The following TBC1D12 variants were observed in gnomAD, a reference collection of about 807,000 sequenced individuals.
TBC1D12 encodes the protein TBC1 domain family member 12, also known as TBC1 domain family, member 12.
Under a neutral mutation model 86.7 loss-of-function variants are expected in TBC1D12, and 56 were observed. That is an observed-to-expected ratio of 0.65 (90% CI 0.52 to 0.81). The LOEUF (loss-of-function observed/expected upper bound fraction) is 0.81. TBC1D12 is among the 30% of genes least tolerant of loss of function. The pLI, the probability that TBC1D12 is intolerant of heterozygous loss-of-function variation, is 0.00. For synonymous variants in TBC1D12, 421 were observed against 411.7 expected (o/e 1.02, Z -0.27); for missense variants, 1,023 against 1,038.8 (o/e 0.98, Z 0.21).
intron 2 of TBC1D12, among the ~76,000 whole-genome samples, chr10:94,451,622 G>A (rs181098405): frequency 5.7e-4 from 87 of 152,214 alleles, no homozygotes; most frequent in African/African-American, 2.0e-3. Flanking sequence ...AAGTAAAGCT[G>A]TTTCATATGT....
At chr10:94,520,365 C>T (rs1281137221) in intron 9 of TBC1D12, among the ~76,000 whole-genome samples, 1 of 151,960 alleles carries the variant, frequency 6.6e-6, no homozygotes, top group Non-Finnish European at 1.5e-5. Flanking sequence ...CCAGCCTGAC[C>T]AACATGGAGA....
At position 94,536,110 on chromosome 10, in the gene TBC1D12, C is replaced by T. The variant is rs1374286217; in HGVS notation, c.*3014C>T. Among the ~76,000 whole-genome samples the T allele has an allele frequency of 2.0e-5, 3 of 152,032 alleles. No individual in the cohort carries two copies. Among genetic ancestry groups the T allele is most frequent in the South Asian group, 4.1e-4 (2 of 4,822 alleles). On this transcript the variant is annotated 3_prime_UTR_variant, in exon 13 of 13. Transcript: ENST00000225235. ...GCTAAAATATTGTACTGTATCTTCT[C>T]TTGAGCCCAGTATGTAGGAAATATG... is the stretch of plus-strand genomic sequence containing the variant.
intron 11 of TBC1D12, among the ~76,000 whole-genome samples, chr10:94,526,081 T>C (rs1382813361): frequency 6.6e-6 from 1 of 152,160 alleles, no homozygotes; most frequent in Admixed American, 6.5e-5. Context: ...TCAGCCTATC[T>C]CTTCCTTCTC....
chr10:94,509,987 C>A, intron 7 of TBC1D12, 104 bp from the exon 8 acceptor site: 2 of 761,386 alleles, frequency 2.6e-6, no homozygotes, highest in Non-Finnish European at 4.3e-6. Flanking sequence ...GATTATTCAG[C>A]TTTTAACTTA....
chr10:94,520,876 G>A (rs1842131817), intron 9 of TBC1D12, among the ~76,000 whole-genome samples: 1 of 152,056 alleles, frequency 6.6e-6, no homozygotes, highest in Admixed American at 6.6e-5. Context: ...AGCCAGGCTG[G>A]TCTTGAACTC....
rs775103714 is a variant in TBC1D12, at chr10:94,531,212, C to A, written c.2011C>A (p.Leu671Ile). 6.2e-7 allele frequency: 1 copy of A among 1,613,264 alleles called. No individual in the cohort carries two copies. Among genetic ancestry groups the A allele is most frequent in the South Asian group, 1.1e-5 (1 of 90,918 alleles). Reference sequence around the variant, plus strand: ...TCCCTCTAATTTTAGGATCTTCACACTATATAGCAAATCACTACCACTTGA... The same window carrying A: ...TCCCTCTAATTTTAGGATCTTCACAATATATAGCAAATCACTACCACTTGA... ...DIYLIDWIFT[L>I]YSKSLPLDLA... The change falls in exon 12 of 13, where the codon CTA (leucine) becomes ATA (isoleucine). Residue 671 changes from leucine (L) to isoleucine (I), a missense_variant. By Grantham distance (5) the Leu-to-Ile change is conservative. Transcript: ENST00000225235.
chr10:94,453,214 A>G (rs2055578385), intron 2 of TBC1D12, among the ~76,000 whole-genome samples: 1 of 152,108 alleles, frequency 6.6e-6, no homozygotes, highest in Non-Finnish European at 1.5e-5. Context: ...CCTTCTTTCT[A>G]TGGCTTGTCT....
chr10:94,470,927 A>G (rs1443692966), intron 2 of TBC1D12, among the ~76,000 whole-genome samples: 1 of 152,040 alleles, frequency 6.6e-6, no homozygotes, highest in African/African-American at 2.4e-5. Context: ...GTATGTGGAA[A>G]GTGCTAGAAT....
Position 94,535,754 on chromosome 10 carries a change from A to G in TBC1D12, c.*2658A>G, listed in dbSNP as rs1292491040. On this transcript the variant is annotated 3_prime_UTR_variant, in exon 13 of 13. Transcript: ENST00000225235. Reference sequence around the variant, plus strand: ...CCTGACTAAATTTAATCATACTTTCATGTATTTGTTTCCTCAGTTGGACCT... The same window carrying G: ...CCTGACTAAATTTAATCATACTTTCGTGTATTTGTTTCCTCAGTTGGACCT... 1.3e-5 allele frequency: 2 copies of G among 152,052 alleles called. No individual in the cohort carries two copies. The highest frequency in any genetic ancestry group is 4.8e-5 in the African/African-American group (2 of 41,420). 9.4% of individuals were successfully genotyped at this position (152,052 alleles called of 1,614,324 possible). A position where few individuals can be genotyped will look rare whatever the true frequency, so the allele number is the denominator to read the frequency against.
chr10:94,530,097 C>T (rs1362548217), intron 11 of TBC1D12, among the ~76,000 whole-genome samples: 2 of 151,948 alleles, frequency 1.3e-5, no homozygotes, highest in African/African-American at 2.4e-5. Flanking sequence ...ATTATTTTGG[C>T]GAGGAAGCTT....
chr10:94,473,157 A>G (rs1043919284), intron 2 of TBC1D12, among the ~76,000 whole-genome samples: 2 of 151,964 alleles, frequency 1.3e-5, no homozygotes, highest in Non-Finnish European at 2.9e-5. Context: ...GTTTGAAACC[A>G]GCCTGACCAA....
At chr10:94,440,914 G>A (rs1159882608) in intron 1 of TBC1D12, among the ~76,000 whole-genome samples, 1 of 152,138 alleles carries the variant, frequency 6.6e-6, no homozygotes, top group Non-Finnish European at 1.5e-5. Context: ...CAATGAGGCG[G>A]TCTCGGCTCA....
intron 3 of TBC1D12, among the ~76,000 whole-genome samples, chr10:94,489,421 T>G (rs2056216356): frequency 6.6e-6 from 1 of 152,156 alleles, no homozygotes; most frequent in Admixed American, 6.5e-5. Flanking sequence ...AAGACTGTCT[T>G]TCCTACCCTC....
intron 5 of TBC1D12, among the ~76,000 whole-genome samples, chr10:94,498,741 CCA>C: frequency 6.6e-6 from 1 of 151,586 alleles, no homozygotes; most frequent in South Asian, 2.1e-4. Context: ...TAGGTGTGAG[CCA>C]CTGCACCCTA....
At chr10:94,465,961 C>CGT in intron 2 of TBC1D12, among the ~76,000 whole-genome samples, 1 of 150,762 alleles carries the variant, frequency 6.6e-6, no homozygotes, top group African/African-American at 2.4e-5. Context: ...TATGTATATA[C>CGT]ATGTATGTGT....
intron 2 of TBC1D12, among the ~76,000 whole-genome samples, chr10:94,471,881 A>G (rs1356057353): frequency 1.3e-5 from 2 of 152,348 alleles, no homozygotes; most frequent in East Asian, 3.9e-4. Context: ...AACTTTGGCC[A>G]CAATATTGGA....
intron 1 of TBC1D12, among the ~76,000 whole-genome samples, chr10:94,439,544 G>A (rs1052165659): frequency 2.6e-5 from 4 of 152,132 alleles, no homozygotes; most frequent in African/African-American, 9.7e-5. Context: ...AAGGCTGCAG[G>A]TTTGCTGAGG....
chr10:94,457,185 C>G (rs1222229016), intron 2 of TBC1D12, among the ~76,000 whole-genome samples: 1 of 152,104 alleles, frequency 6.6e-6, no homozygotes, highest in Non-Finnish European at 1.5e-5. Context: ...TTTGCTGCAC[C>G]TATCAACCTG....
intron 9 of TBC1D12, among the ~76,000 whole-genome samples, chr10:94,520,286 C>T (rs748082808): frequency 9.2e-5 from 14 of 151,968 alleles, no homozygotes; most frequent in Non-Finnish European, 2.1e-4. Context: ...GGTGCAGTGG[C>T]TCACGCCTGT....
Sources: gnomAD v4.1 joint callset for allele counts (sites outside exome capture counted in the v4.1 genomes callset) on GRCh38, gnomAD v4.1.1 for gene constraint, MANE v1.5 for transcripts, NCBI Gene and HGNC (gene_info 2026-07-23, HGNC 2026-07-21) for gene names.